Variants in DENND2A observed in about 807,000 individuals in gnomAD.
DENND2A encodes the protein DENN domain containing 2A.
Under a neutral mutation model 105.3 loss-of-function variants are expected in DENND2A, and 53 were observed. The ratio of observed to expected loss-of-function variants is 0.50; its 90% CI spans 0.40 to 0.63. The LOEUF (loss-of-function observed/expected upper bound fraction) is 0.63, where lower values mean the gene tolerates loss of function less well. Ranked by LOEUF, DENND2A falls within the 30% of genes least tolerant of loss-of-function variation. The probability of loss-of-function intolerance (pLI) is 0.00; values close to 1 mark genes in which losing one functional copy is unlikely to be tolerated. For missense variants in DENND2A, 1,138 were observed against 1,279.6 expected, an observed-to-expected ratio of 0.89 and a Z score of 1.69; for synonymous variants, 522 against 508.4, an observed-to-expected ratio of 1.03 and a Z score of -0.36.
intron 1 of DENND2A, among the ~76,000 whole-genome samples, chr7:140,630,856 G>A (rs570349940): frequency 4.6e-5 from 7 of 151,538 alleles, no homozygotes; most frequent in Admixed American, 1.3e-4. Flanking sequence ...GTGAGACTCC[G>A]TCTCAAAAAA....
chr7:140,537,900 A>G (rs956584240), intron 14 of DENND2A, among the ~76,000 whole-genome samples: 2 of 152,182 alleles, frequency 1.3e-5, no homozygotes, highest in African/African-American at 4.8e-5. Context: ...GGGGAACTGA[A>G]ATTAGTAAAG....
chr7:140,637,446 C>T (rs1262018121), intron 1 of DENND2A, among the ~76,000 whole-genome samples: 1 of 152,176 alleles, frequency 6.6e-6, no homozygotes, highest in Non-Finnish European at 1.5e-5. Context: ...GAGATCTGTG[C>T]CTGAGTCTGC....
chr7:140,570,061 A>T (rs192073979), intron 6 of DENND2A, among the ~76,000 whole-genome samples: 69 of 152,088 alleles, frequency 4.5e-4, no homozygotes, highest in Middle Eastern at 6.8e-3. Flanking sequence ...TGCCCAGCTA[A>T]TTTTTGTATT....
In DENND2A at chr7:140,558,170, TCTG is replaced by T; in HGVS notation, c.1929_1931del (p.Ser643del). 6.2e-7 allele frequency: 1 copy of T among 1,613,654 alleles called. No individual in the cohort carries two copies. Among genetic ancestry groups the T allele is most frequent in the Non-Finnish European group, 8.5e-7 (1 of 1,179,630 alleles). ...GCAGTCTTCGGCAGTAACCGAACCT[TCTG>T]CTCCCATCTTCTCCAGTTAAGACAA... is the stretch of plus-strand genomic sequence containing the variant. On this transcript the variant is annotated inframe_deletion, in exon 11 of 20. Coordinates refer to ENST00000496613, the MANE Select transcript of DENND2A (RefSeq NM_015689.5).
intron 14 of DENND2A, among the ~76,000 whole-genome samples, chr7:140,529,804 G>A (rs1167329232): frequency 6.6e-6 from 1 of 151,408 alleles, no homozygotes; most frequent in Non-Finnish European, 1.5e-5. Context: ...GGGGTAGGGG[G>A]ACGGGGGAGG....
At chr7:140,532,800 G>A (rs1796313658) in intron 14 of DENND2A, among the ~76,000 whole-genome samples, 1 of 152,022 alleles carries the variant, frequency 6.6e-6, no homozygotes, top group Non-Finnish European at 1.5e-5. Context: ...TGAGGTGGGA[G>A]GATCTCTTGA....
At chr7:140,574,416 A>C (rs142412842) in intron 5 of DENND2A, among the ~76,000 whole-genome samples, 1,882 of 152,074 alleles carry the variant, frequency 0.012, 15 homozygotes, top group Middle Eastern at 0.02. Context: ...ACGAGGTTTC[A>C]CCGTGTTGCC....
intron 12 of DENND2A, 105 bp from the exon 13 acceptor site, chr7:140,547,044 G>A: frequency 6.9e-7 from 1 of 1,443,974 alleles, no homozygotes; most frequent in Non-Finnish European, 9.3e-7. Context: ...AGAATTATGG[G>A]GAAGCCCTGC....
rs1796119538 is a variant in DENND2A at position 140,527,787 on chromosome 7, G to A, written c.2328-292C>T. On this transcript the variant is annotated intron_variant, in intron 14 of 19. Transcript: ENST00000496613. The surrounding 1 kb of genome is among the most constrained non-coding windows in gnomAD (Gnocchi z 4.9). ...CACTCTCCCGCCCTGACCTTTTTTT[G>A]TGATCTATACTCTTGTAAGGTTTTT... is the stretch of plus-strand genomic sequence containing the variant. Among the ~76,000 whole-genome samples the A allele has an allele frequency of 6.6e-6, 1 of 151,784 alleles. No homozygotes were observed. The highest frequency in any genetic ancestry group is 1.9e-4 in the East Asian group (1 of 5,190).
chr7:140,564,427 G>T (rs1470850406), intron 9 of DENND2A, among the ~76,000 whole-genome samples: 1 of 152,076 alleles, frequency 6.6e-6, no homozygotes, highest in Non-Finnish European at 1.5e-5. Flanking sequence ...TGATGTTTTA[G>T]AATTTTTATT....
rs187147266 is a variant in DENND2A, at chr7:140,578,800, G to A, written c.1246-4792C>T. Among the ~76,000 whole-genome samples, 85 of 152,344 alleles carry A rather than the reference G, an allele frequency of 5.6e-4. 1 individual carries two copies. The East Asian group carries it at 0.015, about 27-fold the overall frequency. ...GAGACAGGAGAATCGCTTGAACCCA[G>A]GAGGCAGAGGTTGCAGTGAGCTGAG... On this transcript the variant is annotated intron_variant, in intron 5 of 19. Coordinates refer to ENST00000496613, the MANE Select transcript of DENND2A (RefSeq NM_015689.5).
chr7:140,599,600 C>G (rs1467217522), intron 3 of DENND2A, among the ~76,000 whole-genome samples: 1 of 151,900 alleles, frequency 6.6e-6, no homozygotes, highest in African/African-American at 2.4e-5. Flanking sequence ...TGTCCAATGT[C>G]CCACAGCTAG....
At chr7:140,542,708 G>A (rs534709212) in intron 14 of DENND2A, among the ~76,000 whole-genome samples, 39 of 151,898 alleles carry the variant, frequency 2.6e-4, no homozygotes, top group African/African-American at 8.7e-4. Context: ...GATTACAGGC[G>A]TGGACCACCA....
chr7:140,525,478 G>C (rs968044120), intron 16 of DENND2A, among the ~76,000 whole-genome samples: 1 of 152,102 alleles, frequency 6.6e-6, no homozygotes, highest in Non-Finnish European at 1.5e-5. Context: ...AAAAATCTAG[G>C]TGCCTATAGT....
chr7:140,571,302 G>T (rs1241581054), intron 6 of DENND2A, among the ~76,000 whole-genome samples: 1 of 152,076 alleles, frequency 6.6e-6, no homozygotes, highest in East Asian at 1.9e-4. Flanking sequence ...GGGATTACAG[G>T]TGTGTGCCAC....
intron 18 of DENND2A, among the ~76,000 whole-genome samples, chr7:140,520,869 A>T (rs1340746797): frequency 7.3e-6 from 1 of 136,794 alleles, no homozygotes; most frequent in African/African-American, 2.8e-5. Context: ...TTTTCCAGGT[A>T]GTTTTTTTTT....
At chr7:140,544,444 C>G (rs1327007309) in intron 14 of DENND2A, 174 bp downstream of exon 14, 1 of 785,378 alleles carries the variant, frequency 1.3e-6, no homozygotes, top group Non-Finnish European at 2.1e-6. Flanking sequence ...ATCCACCCAC[C>G]TCAGCCTCTC....
At chr7:140,541,354 G>C (rs112248643) in intron 14 of DENND2A, among the ~76,000 whole-genome samples, 2,741 of 152,122 alleles carry the variant, frequency 0.018, 86 homozygotes, top group African/African-American at 0.06. Flanking sequence ...TCTTCTCAGG[G>C]TGGGTCCTCC....
intron 11 of DENND2A, among the ~76,000 whole-genome samples, chr7:140,556,662 A>G (rs1382803775): frequency 6.6e-6 from 1 of 152,222 alleles, no homozygotes; most frequent in Non-Finnish European, 1.5e-5. Context: ...TTAACCCTAA[A>G]GTAATTTGAT....
Sources: gnomAD v4.1 joint callset for allele counts (sites outside exome capture counted in the v4.1 genomes callset) on GRCh38, gnomAD v4.1.1 for gene constraint, Gnocchi (gnomAD v3.1) non-coding constraint, MANE v1.5 for transcripts, NCBI Gene and HGNC (gene_info 2026-07-23, HGNC 2026-07-21) for gene names.